The following GALNT17 variants were observed in gnomAD, a reference collection of about 807,000 sequenced individuals.
GALNT17 encodes UDP-GalNAc:polypeptide N-acetylgalactosaminyltransferase-like 3.
GALNT17 carries 29 observed loss-of-function variants against 63.7 expected under a neutral mutation model. That is an observed-to-expected ratio of 0.46 (90% CI 0.34 to 0.62). The LOEUF is 0.62. GALNT17 is among the 20% of genes least tolerant of loss of function. The pLI is 0.01. For synonymous variants in GALNT17, 305 were observed against 318.3 expected (o/e 0.96, Z 0.45); for missense variants, 603 against 799.6 (o/e 0.75, Z 2.97).
At chr7:71,615,911 G>A (rs1023775864) in intron 6 of GALNT17, among the ~76,000 whole-genome samples, 2 of 152,160 alleles carry the variant, frequency 1.3e-5, no homozygotes, top group Non-Finnish European at 2.9e-5. Context: ...TTTCCCCTGA[G>A]GATAGCAGGG....
Position 71,524,100 on chromosome 7 carries a change from G to C in GALNT17, c.963-47185G>C, listed in dbSNP as rs546891222. On this transcript the variant is annotated intron_variant, in intron 5 of 10. Coordinates refer to ENST00000333538, the MANE Select transcript of GALNT17 (RefSeq NM_022479.3). ...ACCATTGCGCTTCAGCCTGGTGACA[G>C]AGCGAGAATGTGTCTCAAAGAAAAA... 3.0e-4 allele frequency among the ~76,000 whole-genome samples: 45 copies of C among 151,324 alleles called. No individual in the cohort carries two copies. The East Asian group carries it at 8.7e-3, about 29-fold the overall frequency.
At chr7:71,354,451 T>G (rs1035849367) in intron 2 of GALNT17, among the ~76,000 whole-genome samples, 4 of 152,222 alleles carry the variant, frequency 2.6e-5, no homozygotes, top group African/African-American at 9.6e-5. Flanking sequence ...TTTTCCAAAC[T>G]CATTTCAGTT....
chr7:71,611,147 T>C (rs1562709654), intron 6 of GALNT17, among the ~76,000 whole-genome samples: 1 of 152,180 alleles, frequency 6.6e-6, no homozygotes, highest in Non-Finnish European at 1.5e-5. Flanking sequence ...TCTACTCCAG[T>C]GCCTTCTTTC....
chr7:71,145,732 A>G (rs774446886), intron 1 of GALNT17, among the ~76,000 whole-genome samples: 2 of 152,058 alleles, frequency 1.3e-5, no homozygotes, highest in African/African-American at 2.4e-5. Flanking sequence ...TTTGAGAAGG[A>G]GTCTCACTCG....
chr7:71,483,341 G>A (rs1327401570), intron 5 of GALNT17, among the ~76,000 whole-genome samples: 6 of 151,994 alleles, frequency 3.9e-5, no homozygotes. Context: ...GTGGTGGCAG[G>A]TGCCTGTAAT....
chr7:71,612,512 A>G (rs1359294299), intron 6 of GALNT17, among the ~76,000 whole-genome samples: 1 of 152,234 alleles, frequency 6.6e-6, no homozygotes, highest in Non-Finnish European at 1.5e-5. Flanking sequence ...CATGGTGCTA[A>G]TATTCTGATT....
chr7:71,345,542 C>A (rs756629488), intron 2 of GALNT17, among the ~76,000 whole-genome samples: 3 of 152,146 alleles, frequency 2.0e-5, no homozygotes, highest in Admixed American at 6.5e-5. Context: ...TGTGGAGCAT[C>A]CTCATGTCAT....
intron 2 of GALNT17, among the ~76,000 whole-genome samples, chr7:71,368,420 T>C (rs1792554957): frequency 2.6e-5 from 4 of 151,950 alleles, no homozygotes; most frequent in Admixed American, 2.6e-4. Context: ...TCCTAGAGAG[T>C]TTTTCCCGTC....
intron 1 of GALNT17, among the ~76,000 whole-genome samples, chr7:71,306,389 C>T (rs1323306605): frequency 1.3e-5 from 2 of 152,062 alleles, no homozygotes; most frequent in Admixed American, 6.6e-5. Flanking sequence ...TAAACAATAA[C>T]TCCCCCTACC....
At chr7:71,423,417 A>G (rs1786702271) in intron 5 of GALNT17, among the ~76,000 whole-genome samples, 1 of 152,166 alleles carries the variant, frequency 6.6e-6, no homozygotes, top group African/African-American at 2.4e-5. Flanking sequence ...TGTGAGTTCT[A>G]CTTGAGGACC....
chr7:71,388,726 C>T (rs1792997122), intron 3 of GALNT17, among the ~76,000 whole-genome samples: 1 of 151,918 alleles, frequency 6.6e-6, no homozygotes, highest in South Asian at 2.1e-4. Flanking sequence ...GGGGTTTCAC[C>T]ATGTTGGCCA....
intron 1 of GALNT17, among the ~76,000 whole-genome samples, chr7:71,263,331 C>A (rs1790421000): frequency 6.6e-6 from 1 of 152,050 alleles, no homozygotes; most frequent in South Asian, 2.1e-4. Context: ...TGCACTCCAG[C>A]CTTGGCCGCA....
intron 1 of GALNT17, among the ~76,000 whole-genome samples, chr7:71,165,843 G>T (rs1219548620): frequency 6.6e-6 from 1 of 152,144 alleles, no homozygotes; most frequent in East Asian, 1.9e-4. Flanking sequence ...CCTTAGGTTT[G>T]AAGGGCTGAG....
chr7:71,289,875 G>T (rs1190123433), intron 1 of GALNT17, among the ~76,000 whole-genome samples: 5 of 140,654 alleles, frequency 3.6e-5, no homozygotes, highest in South Asian at 2.4e-4. Context: ...GCAAAACCCC[G>T]TCTCAAAAGA....
chr7:71,511,124 G>A (rs574399248), intron 5 of GALNT17, among the ~76,000 whole-genome samples: 6 of 152,200 alleles, frequency 3.9e-5, no homozygotes, highest in African/African-American at 1.4e-4. Flanking sequence ...CAAGGCTGCC[G>A]TGAGCCATGA....
At chr7:71,625,699 A>T (rs567405298) in intron 6 of GALNT17, among the ~76,000 whole-genome samples, 1 of 152,192 alleles carries the variant, frequency 6.6e-6, no homozygotes. Context: ...TTTCCAGTTT[A>T]TGAAACACAT....
intron 1 of GALNT17, among the ~76,000 whole-genome samples, chr7:71,286,220 T>C (rs1383033669): frequency 6.6e-6 from 1 of 152,204 alleles, no homozygotes; most frequent in Admixed American, 6.5e-5. Context: ...ACCCTGAACT[T>C]AAGCCTCAAT....
At chr7:71,389,541 C>G (rs1793011648) in intron 3 of GALNT17, among the ~76,000 whole-genome samples, 1 of 152,100 alleles carries the variant, frequency 6.6e-6, no homozygotes, top group African/African-American at 2.4e-5. Flanking sequence ...AAATTGTCTT[C>G]CACAAAGCCA....
chr7:71,253,761 T>G (rs903767310), intron 1 of GALNT17, among the ~76,000 whole-genome samples: 1 of 152,124 alleles, frequency 6.6e-6, no homozygotes, highest in African/African-American at 2.4e-5. Context: ...CCCAAAGAAC[T>G]CTGATTCTAA....
Sources: allele counts gnomAD v4.1 joint callset (sites outside exome capture counted in the v4.1 genomes callset), GRCh38; gene constraint gnomAD v4.1.1; transcripts MANE v1.5; gene names NCBI Gene and HGNC (gene_info 2026-07-23, HGNC 2026-07-21).